The following GBP1 variants were observed in gnomAD, a reference collection of about 807,000 sequenced individuals.
GBP1 encodes guanylate binding protein 1, also known as guanylate-binding protein 1.
A neutral mutation model predicts 69.5 loss-of-function variants in GBP1; 64 were observed. The ratio of observed to expected loss-of-function variants is 0.92; its 90% confidence interval spans 0.75 to 1.13. GBP1 has a LOEUF of 1.13. GBP1 is among the 50% of genes most tolerant of loss of function. GBP1 has a pLI of 0.00. For missense variants in GBP1, 630 were observed against 704.1 expected (o/e 0.89, Z 1.19); for synonymous variants, 250 against 261.2 (o/e 0.96, Z 0.41).
intron 2 of GBP1, among the ~76,000 whole-genome samples, chr1:89,061,157 A>G (rs1159615571): frequency 6.6e-6 from 1 of 152,214 alleles, no homozygotes; most frequent in Non-Finnish European, 1.5e-5. Flanking sequence ...CAACATTCCA[A>G]TTACTTTGTA....
At chr1:89,062,645 T>G (rs1206473627) in intron 2 of GBP1, 1 of 164,956 alleles carries the variant, frequency 6.1e-6, no homozygotes, top group African/African-American at 2.4e-5. Flanking sequence ...TTAAATTTTA[T>G]TTTTTTTACA....
At chr1:89,058,276 GT>G (rs1680097093) in intron 5 of GBP1, 42 bp from the exon 6 acceptor site, 3 of 1,516,130 alleles carry the variant, frequency 2.0e-6, no homozygotes, top group Non-Finnish European at 2.7e-6. Context: ...CCTAATATAA[GT>G]GTTTCTGTAA....
At position 89,056,041 on chromosome 1, in the gene GBP1, T is replaced by A. The variant is rs779105050; in HGVS notation, c.1343A>T (p.Tyr448Phe). 1.2e-6 allele frequency: 2 copies of A among 1,613,992 alleles called. No individual in the cohort carries two copies. Among genetic ancestry groups the A allele is most frequent in the Admixed American group, 3.3e-5 (2 of 60,026 alleles). ...QKLQDLKKKY[Y>F]EEPRKGIQAE... ...CTGTATCCCCTTCCTCGGTTCCTCA[T>A]AGTACTTTTTCTTCAGGTCTTGTAG... The change falls in exon 8 of 11, where the codon TAT (tyrosine) becomes TTT (phenylalanine). Residue 448 changes from tyrosine (Y) to phenylalanine (F), a missense_variant. This residue lies in a region of GBP1 where 367 missense variants were observed against 369.5 expected (regional missense o/e 0.99). Coordinates refer to ENST00000370473, the MANE Select transcript of GBP1 (RefSeq NM_002053.3).
intron 8 of GBP1, chr1:89,055,477 G>A (rs1680021230): frequency 4.8e-6 from 2 of 412,556 alleles, no homozygotes; most frequent in Non-Finnish European, 4.4e-6. Flanking sequence ...AGGGCTCTAA[G>A]TTTGGAACTG....
intron 8 of GBP1, 40 bp from the exon 9 acceptor site, chr1:89,055,255 G>A: frequency 6.2e-7 from 1 of 1,610,910 alleles, no homozygotes; most frequent in Non-Finnish European, 8.5e-7. Context: ...GTAGGAAATG[G>A]CTGTAAGCAG....
At chr1:89,064,061 T>C (rs991791219) in intron 1 of GBP1, among the ~76,000 whole-genome samples, 23 of 152,136 alleles carry the variant, frequency 1.5e-4, no homozygotes, top group African/African-American at 5.3e-4. Context: ...ACCTAGGAAG[T>C]TGTTCAAATA....
In GBP1 at chr1:89,055,337, G is replaced by A. The variant is rs1326622991; in HGVS notation, c.1369-122C>T. The A allele has an allele frequency of 6.0e-6, 9 of 1,502,318 alleles. No homozygotes were observed. In the East Asian group the frequency reaches 1.9e-4, roughly 31 times the overall value. The allele number at this position is 1,502,318 out of a possible 1,614,324, so 93.1% of individuals were successfully genotyped here. A position where few individuals can be genotyped will look rare whatever the true frequency, so the allele number is the denominator to read the frequency against. On this transcript the variant is annotated intron_variant, in intron 8 of 10. Coordinates refer to ENST00000370473, the MANE Select transcript of GBP1 (RefSeq NM_002053.3). ...TTCTCTTGGCCCTATTGTCCTTGGT[G>A]GTCAAATTCCCTGTCGGAGCGACAG...
Position 89,053,195 on chromosome 1 carries a change from TAAGAAAAAACATGA to T in GBP1, c.*146_*159del. The T allele has an allele frequency of 2.0e-6, 1 of 506,544 alleles. No homozygotes were observed. The highest frequency in any genetic ancestry group is 3.4e-6 in the Non-Finnish European group (1 of 292,116). 31.4% of individuals were successfully genotyped at this position (506,544 alleles called of 1,614,324 possible). ...ACAATTTACAGTCTTTTTTTTTTTTTAAGAAAAAACATGATTTTGATCATTGTACCACATGCCTT... is the reference window on the plus strand; with the variant it reads ...ACAATTTACAGTCTTTTTTTTTTTTTTTTTGATCATTGTACCACATGCCTT... On this transcript the variant is annotated 3_prime_UTR_variant, in exon 11 of 11. Transcript: ENST00000370473.
intron 1 of GBP1, among the ~76,000 whole-genome samples, chr1:89,064,236 T>TGAGAGA (rs1373945831): frequency 2.6e-5 from 3 of 117,416 alleles, no homozygotes; most frequent in African/African-American, 1.0e-4. Flanking sequence ...TGTGTGTGTG[T>TGAGAGA]GTGTGAGAGA....
rs1557749822 is a variant in GBP1 at position 89,058,880 on chromosome 1, G to T, written c.592C>A (p.Pro198Thr). ...DLEADGQPLTPDEYLTYSLKL... is the reference protein window; with the variant it reads ...DLEADGQPLTTDEYLTYSLKL... ...AGGGAGTATGTCAGGTACTCATCTG[G>T]TGTGAGGGGTTGTCCATCTGCTTCC... The change falls in exon 5 of 11, where the codon CCA (proline) becomes ACA (threonine). Residue 198 changes from proline to threonine, a missense_variant. Transcript: ENST00000370473. The T allele has an allele frequency of 1.2e-6, 2 of 1,614,126 alleles. No individual in the cohort carries two copies. The highest frequency in any genetic ancestry group is 1.7e-6 in the Non-Finnish European group (2 of 1,180,020).
At position 89,054,318 on chromosome 1, in the gene GBP1, C is replaced by T. The variant is rs191620948; in HGVS notation, c.1665+364G>A. Among the ~76,000 whole-genome samples the T allele has an allele frequency of 1.2e-3, 187 of 152,162 alleles. 1 individual carries two copies. Among genetic ancestry groups the T allele is most frequent in the African/African-American group, 4.2e-3 (174 of 41,508 alleles). ...GATTTCACCGTGTTAGCCAGGATGGCCTCAATCTCCTGACCTCGTGATCCG... is the reference window on the plus strand; with the variant it reads ...GATTTCACCGTGTTAGCCAGGATGGTCTCAATCTCCTGACCTCGTGATCCG... On this transcript the variant is annotated intron_variant, in intron 10 of 10. Transcript: ENST00000370473.
At position 89,053,446 on chromosome 1, in the gene GBP1, T is replaced by C. The variant is rs1462048257; in HGVS notation, c.1688A>G (p.Glu563Gly). 1 of 1,613,904 alleles carries C rather than the reference T, an allele frequency of 6.2e-7. No homozygotes were observed. The change falls in exon 11 of 11, where the codon GAG becomes GGG. Residue 563 changes from glutamate (E) to glycine (G), a missense_variant. Physicochemically the swap from Glu to Gly is moderately conservative, Grantham distance 98. This residue lies in a region of GBP1 where 71 missense variants were observed against 72.7 expected (regional missense o/e 0.98). Transcript: ENST00000370473. Reference protein sequence around the residue: ...KLQEQEQLLKEGFQKESRIMK... With the variant: ...KLQEQEQLLKGGFQKESRIMK... ...TATTCTGCTTTCTTTTTGAAATCCCTCTTTTAGTAGTTGCTCCTGTTCCTA... is the reference window on the plus strand; with the variant it reads ...TATTCTGCTTTCTTTTTGAAATCCCCCTTTTAGTAGTTGCTCCTGTTCCTA...
Position 89,058,254 on chromosome 1 carries a change from A to G in GBP1, c.632-20T>C, listed in dbSNP as rs1344167005. The G allele has an allele frequency of 6.4e-7, 1 of 1,555,820 alleles. No homozygotes were observed. On this transcript the variant is annotated intron_variant, in intron 5 of 10. Transcript: ENST00000370473. ...TGGTACCTAGAAAAACATTTAAAAA[A>G]TTATAAAATTGCCTAATATAAGTGT... is the stretch of plus-strand genomic sequence containing the variant.
chr1:89,053,435 T>C lies in GBP1; in HGVS notation c.1699A>G (p.Lys567Glu). ...TCATTTTTCATTATTCTGCTTTCTT[T>C]TTGAAATCCCTCTTTTAGTAGTTGC... ...QEQLLKEGFQKESRIMKNEIQ... is the reference protein window; with the variant it reads ...QEQLLKEGFQEESRIMKNEIQ... The change falls in exon 11 of 11, where the codon AAA becomes GAA. Residue 567 changes from lysine (K) to glutamate (E), a missense_variant. Lys to Glu is a moderately conservative substitution (Grantham distance 56). Around this residue, in one of 5 missense-constraint regions of GBP1, gnomAD observed 71 missense variants for 72.7 expected, o/e 0.98. Transcript: ENST00000370473. The C allele has an allele frequency of 6.2e-7, 1 of 1,613,974 alleles. No homozygotes were observed. Among genetic ancestry groups the C allele is most frequent in the South Asian group, 1.1e-5 (1 of 91,060 alleles).
Position 89,056,970 on chromosome 1 carries a change from T to C in GBP1, c.1039A>G (p.Thr347Ala). The stretch of plus-strand genomic sequence containing the variant: ...TCCAGCAGCTCCTGGAGGGTTTCTG[T>C]GGGCAGCTGCACCTTCTGGCCCATC... ...QQMGQKVQLP[T>A]ETLQELLDLH... Residue 347 changes from threonine to alanine, a missense_variant, in exon 7 of 11, where the codon ACA (threonine) becomes GCA (alanine). By Grantham distance (58) the Thr-to-Ala change is moderately conservative (BLOSUM62 0). Around this residue, in one of 5 missense-constraint regions of GBP1, gnomAD observed 367 missense variants for 369.5 expected, o/e 0.99. Coordinates refer to ENST00000370473, the MANE Select transcript of GBP1 (RefSeq NM_002053.3). The C allele has an allele frequency of 6.2e-7, 1 of 1,614,226 alleles. No homozygotes were observed. Among genetic ancestry groups the C allele is most frequent in the African/African-American group, 1.3e-5 (1 of 75,064 alleles).
rs369152257 is a variant in GBP1 at position 89,053,972 on chromosome 1, C to T, written c.1666-504G>A. ...AGAAACAAATAATCATTGTGGATTCCGCTAAGTGATGAAGACAGCTCTGAT... is the reference window on the plus strand; with the variant it reads ...AGAAACAAATAATCATTGTGGATTCTGCTAAGTGATGAAGACAGCTCTGAT... On this transcript the variant is annotated intron_variant, in intron 10 of 10. Transcript: ENST00000370473. Among the ~76,000 whole-genome samples the T allele has an allele frequency of 2.5e-4, 38 of 152,246 alleles. 2 individuals are homozygous for T. Among genetic ancestry groups the T allele is most frequent in the African/African-American group, 4.6e-4 (19 of 41,554 alleles).
intron 2 of GBP1, among the ~76,000 whole-genome samples, chr1:89,062,251 T>C (rs1680219354): frequency 6.6e-6 from 1 of 152,134 alleles, no homozygotes; most frequent in Middle Eastern, 3.2e-3. Flanking sequence ...AGACAAAAGG[T>C]GGAAGAAATC....
chr1:89,053,351 G>A lies in GBP1; in HGVS notation c.*4C>T. ...GGTTAGGGGTGACAGGAAGGCTCTGGTCTTTAGCTTATGGTACATGCCTTT... is the reference window on the plus strand; with the variant it reads ...GGTTAGGGGTGACAGGAAGGCTCTGATCTTTAGCTTATGGTACATGCCTTT... On this transcript the variant is annotated 3_prime_UTR_variant, in exon 11 of 11. Transcript: ENST00000370473. The A allele has an allele frequency of 6.2e-7, 1 of 1,610,130 alleles. No individual in the cohort carries two copies. Among genetic ancestry groups the A allele is most frequent in the Non-Finnish European group, 8.5e-7 (1 of 1,178,220 alleles).
rs1198198283 is a variant in GBP1 at position 89,059,534 on chromosome 1, TTC to T, written c.319-110_319-109del. The T allele has an allele frequency of 4.0e-5, 44 of 1,087,600 alleles. No individual in the cohort carries two copies. In the African/African-American group the frequency reaches 4.6e-4, roughly 11 times the overall value. The allele number at this position is 1,087,600 out of a possible 1,614,324, so 67.4% of individuals were successfully genotyped here. A position where few individuals can be genotyped will look rare whatever the true frequency, so the allele number is the denominator to read the frequency against. ...ATATGTTAGAGGGTTTTTTTTTCTT[TTC>T]TTTTTTTTTTTTTTTTTTAACACTA... On this transcript the variant is annotated intron_variant, in intron 3 of 10. Transcript: ENST00000370473.
Sources: gnomAD v4.1 joint callset for allele counts (sites outside exome capture counted in the v4.1 genomes callset) on GRCh38, gnomAD v4.1.1 for gene constraint, gnomAD v4.1.1 regional missense constraint, MANE v1.5 for transcripts, NCBI Gene and HGNC (gene_info 2026-07-23, HGNC 2026-07-21) for gene names.